The following EIF2B3 variants were observed in gnomAD, a reference collection of about 807,000 sequenced individuals.
EIF2B3 encodes the protein translation initiation factor eIF2B subunit gamma.
EIF2B3 carries 20 observed loss-of-function variants against 54.1 expected under a neutral mutation model. The observed-to-expected ratio is 0.37, with a 90% CI of 0.26 to 0.54. EIF2B3 has a LOEUF of 0.54. Among genes scored for constraint, EIF2B3 ranks in the 20% least tolerant of loss-of-function variants. The pLI, the probability that EIF2B3 is intolerant of heterozygous loss-of-function variation, is 0.86. For synonymous variants in EIF2B3, 153 were observed against 188.1 expected, an observed-to-expected ratio of 0.81 and a Z score of 1.52; for missense variants, 448 against 547.8, an observed-to-expected ratio of 0.82 and a Z score of 1.82.
chr1:44,902,538 C>T (rs72676509), intron 5 of EIF2B3, among the ~76,000 whole-genome samples: 22,539 of 151,850 alleles, frequency 0.15, 1,811 homozygotes, highest in Non-Finnish European at 0.17. Flanking sequence ...AGAAATGTTT[C>T]CAGTCAGGCA....
chr1:44,914,160 ATTT>A (rs34681417), intron 5 of EIF2B3, among the ~76,000 whole-genome samples: 6 of 133,614 alleles, frequency 4.5e-5, no homozygotes, highest in Non-Finnish European at 3.2e-5. Context: ...TAAATTGGGA[ATTT>A]TTTTTTTTTT....
rs190735648 is a variant in EIF2B3 at position 44,947,453 on chromosome 1, A to G, written c.295-5788T>C. Among the ~76,000 whole-genome samples, 297 of 152,294 alleles carry G rather than the reference A, an allele frequency of 2.0e-3. 1 individual carries two copies. The highest frequency in any genetic ancestry group is 2.7e-3 in the Non-Finnish European group (184 of 68,020). Reference sequence around the variant, plus strand: ...CAAGCCAAAACCACTGAGTAAAATTAGAGGGGAAAAAAGGTTAAATCAGAA... The same window carrying G: ...CAAGCCAAAACCACTGAGTAAAATTGGAGGGGAAAAAAGGTTAAATCAGAA... On this transcript the variant is annotated intron_variant, in intron 3 of 11. Transcript: ENST00000360403.
intron 4 of EIF2B3, among the ~76,000 whole-genome samples, chr1:44,930,516 C>T (rs7519592): frequency 0.17 from 25,846 of 152,194 alleles, 2,305 homozygotes; most frequent in Non-Finnish European, 0.18. Context: ...ACTTTGTAGC[C>T]TCTGCTGTCA....
At chr1:44,886,360 G>A (rs1046741716) in intron 6 of EIF2B3, among the ~76,000 whole-genome samples, 23 of 152,160 alleles carry the variant, frequency 1.5e-4, no homozygotes, top group Admixed American at 7.2e-4. Flanking sequence ...GATTACAGGC[G>A]TTAGCCACTG....
chr1:44,891,774 C>T (rs1223819245), intron 6 of EIF2B3, among the ~76,000 whole-genome samples: 1 of 152,156 alleles, frequency 6.6e-6, no homozygotes, highest in Non-Finnish European at 1.5e-5. Context: ...ACAGTAAAGA[C>T]AGTTATATGT....
chr1:44,894,360 C>G (rs1655897628), intron 6 of EIF2B3, among the ~76,000 whole-genome samples: 1 of 152,124 alleles, frequency 6.6e-6, no homozygotes, highest in South Asian at 2.1e-4. Flanking sequence ...CTCTGCAGCT[C>G]TCCCTGTAGC....
chr1:44,957,508 C>T (rs1046498360), intron 3 of EIF2B3, among the ~76,000 whole-genome samples: 13 of 152,108 alleles, frequency 8.5e-5, no homozygotes. Flanking sequence ...CACCTGTGAT[C>T]CCAGTACTTT....
chr1:44,851,631 G>A (rs1371368940), intron 11 of EIF2B3, among the ~76,000 whole-genome samples: 1 of 152,116 alleles, frequency 6.6e-6, no homozygotes, highest in East Asian at 1.9e-4. Context: ...ACAGTGAGAT[G>A]GGAGAAAGGG....
intron 1 of EIF2B3, 118 bp from the exon 2 acceptor site, chr1:44,981,295 T>C: frequency 9.7e-7 from 1 of 1,030,298 alleles, no homozygotes; most frequent in Non-Finnish European, 1.5e-6. Flanking sequence ...AAATGCATAA[T>C]TCCTAACTCT....
chr1:44,893,958 G>A (rs547160170), intron 6 of EIF2B3, among the ~76,000 whole-genome samples: 1 of 152,276 alleles, frequency 6.6e-6, no homozygotes, highest in African/African-American at 2.4e-5. Flanking sequence ...TCACAAAGCT[G>A]GCATATTGGC....
chr1:44,866,671 C>G (rs1041052937), intron 10 of EIF2B3, among the ~76,000 whole-genome samples: 1 of 152,074 alleles, frequency 6.6e-6, no homozygotes, highest in Non-Finnish European at 1.5e-5. Context: ...TCTCCTGCCT[C>G]AGCCTCCTGA....
chr1:44,921,893 TA>T (rs200291802), intron 5 of EIF2B3, among the ~76,000 whole-genome samples: 2,073 of 136,548 alleles, frequency 0.015, 19 homozygotes, highest in Non-Finnish European at 0.02. Context: ...TCCATATATA[TA>T]TATTTTTTTA....
At position 44,978,306 on chromosome 1, in the gene EIF2B3, G is replaced by T; in HGVS notation, c.294+9C>A. On this transcript the variant is annotated intron_variant, in intron 3 of 11. Coordinates refer to ENST00000360403, the MANE Select transcript of EIF2B3 (RefSeq NM_020365.5). ...AATAAACAAGAAGAGTCAAAAAATT[G>T]CTTTTCACCTTAAGTTTTGGATATA... 1 of 1,613,704 alleles carries T rather than the reference G, an allele frequency of 6.2e-7. No homozygotes were observed. The highest frequency in any genetic ancestry group is 8.5e-7 in the Non-Finnish European group (1 of 1,179,872).
At chr1:44,984,323 T>C (rs776233578) in intron 1 of EIF2B3, among the ~76,000 whole-genome samples, 1 of 151,902 alleles carries the variant, frequency 6.6e-6, no homozygotes, top group African/African-American at 2.4e-5. Context: ...TGAGACCCCA[T>C]CTCTATAAAA....
intron 4 of EIF2B3, among the ~76,000 whole-genome samples, chr1:44,931,666 A>T (rs1268016132): frequency 6.6e-6 from 1 of 152,250 alleles, no homozygotes; most frequent in Non-Finnish European, 1.5e-5. Context: ...AGTTGGGTTT[A>T]TCCCAGGTAT....
chr1:44,985,210 T>C (rs1644559812), intron 1 of EIF2B3, among the ~76,000 whole-genome samples: 2 of 152,232 alleles, frequency 1.3e-5, no homozygotes, highest in Non-Finnish European at 2.9e-5. Context: ...TGCTTCATAA[T>C]TCTGGTCTCT....
chr1:44,945,398 C>CA (rs1245706128), intron 3 of EIF2B3, among the ~76,000 whole-genome samples: 2 of 151,510 alleles, frequency 1.3e-5, no homozygotes, highest in Non-Finnish European at 2.9e-5. Context: ...ACTAAAAGTA[C>CA]AAAAAATCAG....
rs1205683961 is a variant in EIF2B3 at position 44,941,715 on chromosome 1, C to G, written c.295-50G>C. The G allele has an allele frequency of 3.1e-6, 5 of 1,603,556 alleles. No individual in the cohort carries two copies. In the African/African-American group the frequency reaches 6.7e-5, roughly 21 times the overall value. On this transcript the variant is annotated intron_variant, in intron 3 of 11. Transcript: ENST00000360403. ...CAATATCATAAAGGACAATGGATTA[C>G]ACAAATCATCACAAGACAAAATTAG...
At position 44,981,058 on chromosome 1, in the gene EIF2B3, C is replaced by A. The variant is rs1463370390; in HGVS notation, c.111G>T (p.Trp37Cys). The A allele has an allele frequency of 1.2e-6, 2 of 1,613,350 alleles. No homozygotes were observed. Among genetic ancestry groups the A allele is most frequent in the African/African-American group, 1.3e-5 (1 of 74,756 alleles). ...LLPVGNKPLI[W>C]YPLNLLERVG... ...CACGCTCAAGCAGGTTCAATGGGTA[C>A]CAAATTAAAGGTTTGTTCCCAACTG... The change falls in exon 2 of 12, where the codon TGG (tryptophan) becomes TGT (cysteine). Residue 37 changes from tryptophan to cysteine, a missense_variant. Trp to Cys is a radical substitution (Grantham distance 215). Coordinates refer to ENST00000360403, the MANE Select transcript of EIF2B3 (RefSeq NM_020365.5).
Sources: gnomAD v4.1 joint callset for allele counts (sites outside exome capture counted in the v4.1 genomes callset) on GRCh38, gnomAD v4.1.1 for gene constraint, MANE v1.5 for transcripts, NCBI Gene and HGNC (gene_info 2026-07-23, HGNC 2026-07-21) for gene names.